CAPN14: variants seen among roughly 807,000 people sequenced by gnomAD.
The protein encoded by CAPN14 is calpain 14, also known as calpain-14.
In CAPN14, 94 loss-of-function variants were observed where a neutral mutation model predicts 101.3. The observed-to-expected ratio is 0.93, with a 90% confidence interval of 0.79 to 1.10. The LOEUF (loss-of-function observed/expected upper bound fraction) is 1.10. Among genes scored for constraint, CAPN14 ranks in the 50% least tolerant of loss-of-function variants. The probability of loss-of-function intolerance (pLI) is 0.00; values close to 1 mark genes in which losing one functional copy is unlikely to be tolerated. For synonymous variants in CAPN14, 338 were observed against 317.9 expected, an observed-to-expected ratio of 1.06 and a Z score of -0.67; for missense variants, 837 against 828.4, an observed-to-expected ratio of 1.01 and a Z score of -0.13.
At chr2:31,185,183 G>A (rs554577554) in intron 16 of CAPN14, among the ~76,000 whole-genome samples, 2 of 152,246 alleles carry the variant, frequency 1.3e-5, no homozygotes, top group South Asian at 4.2e-4. Flanking sequence ...AAAAATTGGG[G>A]AAATGAACAG....
In CAPN14 at chr2:31,194,273, G is replaced by A; in HGVS notation, c.950+136C>T. 3 of 659,004 alleles carry A rather than the reference G, an allele frequency of 4.6e-6. No homozygotes were observed. The South Asian group carries it at 5.2e-5, about 11-fold the overall frequency. The allele number at this position is 659,004 out of a possible 1,614,324, so 40.8% of individuals were successfully genotyped here. A position where few individuals can be genotyped will look rare whatever the true frequency, so the allele number is the denominator to read the frequency against. The stretch of plus-strand genomic sequence containing the variant: ...GGCACTGTTTGTCCTGCTAGACCGT[G>A]AGCTCCTAAAGGGATGGTGCCTTAT... On this transcript the variant is annotated intron_variant, in intron 9 of 21. Coordinates refer to ENST00000403897, the MANE Select transcript of CAPN14 (RefSeq NM_001145122.2).
chr2:31,206,540 C>A (rs1682107816), intron 1 of CAPN14, among the ~76,000 whole-genome samples: 1 of 152,206 alleles, frequency 6.6e-6, no homozygotes, highest in African/African-American at 2.4e-5. Context: ...CAGGCGTGAG[C>A]CACCATGCCC....
intron 2 of CAPN14, among the ~76,000 whole-genome samples, chr2:31,223,683 G>A (rs888585640): frequency 2.0e-5 from 3 of 151,420 alleles, no homozygotes; most frequent in Non-Finnish European, 4.4e-5. Flanking sequence ...CGCCCACCAC[G>A]ACGCGTGGCT....
intron 7 of CAPN14, 150 bp from the exon 8 acceptor site, chr2:31,197,484 G>T: frequency 1.7e-6 from 1 of 601,032 alleles, no homozygotes; most frequent in Non-Finnish European, 3.0e-6. Flanking sequence ...TCTGCTTCTT[G>T]TACTTACAAG....
intron 15 of CAPN14, 117 bp from the exon 16 acceptor site, chr2:31,186,602 T>G: frequency 1.4e-6 from 1 of 737,912 alleles, no homozygotes; most frequent in East Asian, 3.1e-5. Flanking sequence ...AACTTCACAA[T>G]GCTTTTTAAC....
Position 31,206,042 on chromosome 2 carries a change from T to A in CAPN14, c.-52-543A>T, listed in dbSNP as rs567444924. Among the ~76,000 whole-genome samples the A allele has an allele frequency of 5.6e-4, 83 of 147,504 alleles. 2 individuals carry two copies. The highest frequency in any genetic ancestry group is 1.3e-3 in the African/African-American group (54 of 40,814). On this transcript the variant is annotated intron_variant, in intron 1 of 21. Coordinates refer to ENST00000403897, the MANE Select transcript of CAPN14 (RefSeq NM_001145122.2). ...CTTTATTTTTTTTATTTATTTATTTTTTTTTTTTGAGACAGAGTCTCATTC... is the reference window on the plus strand; with the variant it reads ...CTTTATTTTTTTTATTTATTTATTTATTTTTTTTGAGACAGAGTCTCATTC...
At chr2:31,207,618 T>G (rs1682167891) in intron 1 of CAPN14, among the ~76,000 whole-genome samples, 1 of 151,862 alleles carries the variant, frequency 6.6e-6, no homozygotes, top group African/African-American at 2.4e-5. Flanking sequence ...AATACAAAAA[T>G]TAGCTAGGCA....
At position 31,200,653 on chromosome 2, in the gene CAPN14, G is replaced by C. The variant is rs1356988988; in HGVS notation, c.552-28C>G. On this transcript the variant is annotated intron_variant, in intron 5 of 21. Transcript: ENST00000403897. Reference sequence around the variant, plus strand: ...GGCCAGGGAAGAAATAAACATGAGAGGAAAAAAGTATCATGAGTATTTATA... The same window carrying C: ...GGCCAGGGAAGAAATAAACATGAGACGAAAAAAGTATCATGAGTATTTATA... 4 of 1,508,870 alleles carry C rather than the reference G, an allele frequency of 2.7e-6. No homozygotes were observed. In the Admixed American group the frequency reaches 9.6e-5, roughly 36 times the overall value. 93.5% of individuals were successfully genotyped at this position (1,508,870 alleles called of 1,614,324 possible).
At chr2:31,206,017 CTTTATTTTTTTTATTTA>C (rs1263198345) in intron 1 of CAPN14, among the ~76,000 whole-genome samples, 1 of 141,098 alleles carries the variant, frequency 7.1e-6, no homozygotes, top group Non-Finnish European at 1.6e-5. Flanking sequence ...CCTACATTAT[CTTTATTTTTTTTATTTA>C]TTTATTTTTT....
rs547507490 is a variant in CAPN14 at position 31,231,602 on chromosome 2, C to T, written c.-177+2189G>A. Among the ~76,000 whole-genome samples the T allele has an allele frequency of 4.6e-5, 7 of 152,288 alleles. No individual in the cohort carries two copies. In the East Asian group the frequency reaches 9.6e-4, roughly 21 times the overall value. ...AGATTTCAACTACTCAAGACTGAGACGGGAGTAGATGTGTCAACACGCACT... is the reference window on the plus strand; with the variant it reads ...AGATTTCAACTACTCAAGACTGAGATGGGAGTAGATGTGTCAACACGCACT... On this transcript the variant is annotated intron_variant and NMD_transcript_variant, in intron 1 of 21. Transcript: ENST00000398824.
At position 31,199,586 on chromosome 2, in the gene CAPN14, T is replaced by C. The variant is rs7563977; in HGVS notation, c.727-54A>G. 2.1e-5 allele frequency: 31 copies of C among 1,451,810 alleles called. No individual in the cohort carries two copies. The East Asian group carries it at 4.2e-4, about 20-fold the overall frequency. The allele number at this position is 1,451,810 out of a possible 1,614,324, so 89.9% of individuals were successfully genotyped here. ...TCTTCTGTTATGTACAGCTTATTCT[T>C]TGAGTCGTGGGAAGGCTGTTTGGCT... On this transcript the variant is annotated intron_variant, in intron 6 of 21. Coordinates refer to ENST00000403897, the MANE Select transcript of CAPN14 (RefSeq NM_001145122.2).
intron 16 of CAPN14, among the ~76,000 whole-genome samples, chr2:31,184,690 T>C (rs1006716462): frequency 1.3e-5 from 2 of 152,232 alleles, no homozygotes; most frequent in African/African-American, 4.8e-5. Context: ...CTTTACCATA[T>C]GTGAGGTACT....
chr2:31,179,474 G>T (rs6716920), intron 17 of CAPN14, among the ~76,000 whole-genome samples: 50,817 of 152,036 alleles, frequency 0.33, 10,082 homozygotes, highest in African/African-American at 0.55. Context: ...CTATCATTGA[G>T]GGACATTTGG....
In CAPN14 at chr2:31,205,276, T is replaced by A. The variant is rs1302749998; in HGVS notation, c.172A>T (p.Ser58Cys). The change falls in exon 2 of 22, where the codon AGT becomes TGT. Residue 58 changes from serine (S) to cysteine (C), a missense_variant. Coordinates refer to ENST00000403897, the MANE Select transcript of CAPN14 (RefSeq NM_001145122.2). Reference protein sequence around the residue: ...SFPATLSSIGSGSLLQKLPPR... With the variant: ...SFPATLSSIGCGSLLQKLPPR... The stretch of plus-strand genomic sequence containing the variant: ...GGCAGCTTCTGCAGCAGGGAGCCAC[T>A]GCCGATGGAGCTCAGGGTGGCCGGG... 2 of 1,550,096 alleles carry A rather than the reference T, an allele frequency of 1.3e-6. No individual in the cohort carries two copies. Among genetic ancestry groups the A allele is most frequent in the South Asian group, 2.4e-5 (2 of 83,974 alleles).
intron 1 of CAPN14, among the ~76,000 whole-genome samples, chr2:31,215,396 C>A (rs1682596458): frequency 6.6e-6 from 1 of 152,128 alleles, no homozygotes; most frequent in Non-Finnish European, 1.5e-5. Context: ...GGCCATTTCA[C>A]GTCACGCCCT....
At chr2:31,186,145 C>T (rs779783499) in intron 16 of CAPN14, among the ~76,000 whole-genome samples, 4 of 152,184 alleles carry the variant, frequency 2.6e-5, no homozygotes, top group Non-Finnish European at 5.9e-5. Flanking sequence ...GAAAGAGGTA[C>T]TCAGTTATTC....
At chr2:31,187,545 G>A (rs912842284) in intron 15 of CAPN14, among the ~76,000 whole-genome samples, 7 of 152,130 alleles carry the variant, frequency 4.6e-5, no homozygotes, top group African/African-American at 1.7e-4. Context: ...CAAGAACAGA[G>A]AATCATTTTA....
chr2:31,219,288 C>T (rs1682789552), upstream of CAPN14, among the ~76,000 whole-genome samples: 1 of 152,082 alleles, frequency 6.6e-6, no homozygotes, highest in African/African-American at 2.4e-5. Context: ...AAACAGATGG[C>T]CGGGGAGCCT....
Position 31,192,099 on chromosome 2 carries a change from C to G in CAPN14, c.1115-1G>C, listed in dbSNP as rs1435092462. 1.9e-6 allele frequency: 3 copies of G among 1,546,550 alleles called. No homozygotes were observed. Among genetic ancestry groups the G allele is most frequent in the Admixed American group, 4.0e-5 (2 of 50,458 alleles). On this transcript the variant is annotated splice_acceptor_variant, in intron 10 of 21. Transcript: ENST00000403897. LOFTEE classifies it high-confidence loss of function. ...AACTGCGGGTTCTTCCAAAATGTGT[C>G]TGGAGCAGAACACAGCAAGGTGAGA...
Sources: gnomAD v4.1 joint callset for allele counts (sites outside exome capture counted in the v4.1 genomes callset) on GRCh38, gnomAD v4.1.1 for gene constraint, MANE v1.5 for transcripts, NCBI Gene and HGNC (gene_info 2026-07-23, HGNC 2026-07-21) for gene names.